Variants in KDM2B observed in about 807,000 individuals in gnomAD.
The protein encoded by KDM2B is lysine demethylase 2B.
In KDM2B, 26 loss-of-function variants were observed where a neutral mutation model predicts 150.0. The observed-to-expected ratio is 0.17, with a 90% confidence interval of 0.13 to 0.24. The LOEUF (loss-of-function observed/expected upper bound fraction) is 0.24. KDM2B is among the 10% of genes least tolerant of loss of function. KDM2B has a pLI of 1.00. For missense variants in KDM2B, 1,265 were observed against 1,816.9 expected, an observed-to-expected ratio of 0.70 and a Z score of 5.52; for synonymous variants, 734 against 729.5, an observed-to-expected ratio of 1.01 and a Z score of -0.10.
intron 22 of KDM2B, among the ~76,000 whole-genome samples, chr12:121,438,901 C>CA (rs1422663874): frequency 3.9e-5 from 6 of 152,054 alleles, no homozygotes; most frequent in Middle Eastern, 3.4e-3. Context: ...CAACACCCCC[C>CA]AATCCAGACC....
chr12:121,473,198 C>T (rs896241392), intron 12 of KDM2B, among the ~76,000 whole-genome samples: 1 of 151,890 alleles, frequency 6.6e-6, no homozygotes, highest in Non-Finnish European at 1.5e-5. Flanking sequence ...CGAGACCAGC[C>T]TGGTTGACAT....
intron 11 of KDM2B, among the ~76,000 whole-genome samples, chr12:121,505,608 G>C (rs12317418): frequency 1.3e-5 from 2 of 152,130 alleles, no homozygotes; most frequent in African/African-American, 4.8e-5. Context: ...CCAAAACCTA[G>C]CCATCTAGGG....
chr12:121,455,242 C>T lies in KDM2B; in HGVS notation c.1735-1898G>A, dbSNP rs111442948. On this transcript the variant is annotated intron_variant, in intron 12 of 22. Transcript: ENST00000377071. Reference sequence around the variant, plus strand: ...GAAAGGGAGGTGCTCCCCGGCTCTACCACCCTCATCTCCCACTGGTCTTCC... The same window carrying T: ...GAAAGGGAGGTGCTCCCCGGCTCTATCACCCTCATCTCCCACTGGTCTTCC... Among the ~76,000 whole-genome samples, 697 of 152,294 alleles carry T rather than the reference C, an allele frequency of 4.6e-3. 4 individuals carry two copies. Among genetic ancestry groups the T allele is most frequent in the African/African-American group, 0.015 (623 of 41,548 alleles).
At chr12:121,573,015 G>A (rs1009336532) in intron 4 of KDM2B, among the ~76,000 whole-genome samples, 7 of 151,514 alleles carry the variant, frequency 4.6e-5, no homozygotes, top group Non-Finnish European at 8.8e-5. Flanking sequence ...CAGTAGAGAC[G>A]GGGTTTCACC....
At chr12:121,440,418 A>T in intron 21 of KDM2B, 1 of 405,412 alleles carries the variant, frequency 2.5e-6, no homozygotes, top group Non-Finnish European at 4.6e-6. Flanking sequence ...GTCCAGGGGG[A>T]GGTGCCATCC....
At chr12:121,558,856 G>A (rs1468055440) in intron 4 of KDM2B, among the ~76,000 whole-genome samples, 1 of 152,190 alleles carries the variant, frequency 6.6e-6, no homozygotes, top group Non-Finnish European at 1.5e-5. Flanking sequence ...CTCTGAAAGT[G>A]CTGGGATTAC....
chr12:121,490,909 G>A (rs565893508), intron 12 of KDM2B, among the ~76,000 whole-genome samples: 11 of 152,152 alleles, frequency 7.2e-5, no homozygotes, highest in Admixed American at 2.6e-4. Context: ...TAGGTAACCC[G>A]ACCCAGATCA....
At chr12:121,491,622 G>A (rs781962860) in intron 12 of KDM2B, among the ~76,000 whole-genome samples, 9 of 151,656 alleles carry the variant, frequency 5.9e-5, no homozygotes, top group Non-Finnish European at 2.9e-5. Flanking sequence ...GTGAAACCCC[G>A]TCTCTACTAA....
the KDM2B span, chr12:121,416,295 C>T: frequency 1.9e-6 from 3 of 1,614,002 alleles, no homozygotes; most frequent in East Asian, 2.2e-5. Context: ...CCTGAGTTTT[C>T]CACCTACCCA....
chr12:121,539,547 G>A (rs1227920416), intron 6 of KDM2B, among the ~76,000 whole-genome samples: 1 of 152,124 alleles, frequency 6.6e-6, no homozygotes, highest in Admixed American at 6.6e-5. Flanking sequence ...ACTGGGCTCT[G>A]TGACATTGGA....
Position 121,442,942 on chromosome 12 carries a change from C to T in KDM2B, c.2604+50G>A. On this transcript the variant is annotated intron_variant, in intron 18 of 22. Coordinates refer to ENST00000377071, the MANE Select transcript of KDM2B (RefSeq NM_032590.5). The surrounding 1 kb of genome is among the most constrained non-coding windows in gnomAD (Gnocchi z 7.7). ...GACTGTGGCCCAGGGAGCTGCGGTGCAGCTCTAACCGCTCAGGCCTGGGGC... is the reference window on the plus strand; with the variant it reads ...GACTGTGGCCCAGGGAGCTGCGGTGTAGCTCTAACCGCTCAGGCCTGGGGC... 1 of 1,606,746 alleles carries T rather than the reference C, an allele frequency of 6.2e-7. No individual in the cohort carries two copies. Among genetic ancestry groups the T allele is most frequent in the Non-Finnish European group, 8.5e-7 (1 of 1,176,146 alleles).
chr12:121,430,173 T>C lies in KDM2B; in HGVS notation c.*115A>G. 1 of 1,614,148 alleles carries C rather than the reference T, an allele frequency of 6.2e-7. No homozygotes were observed. The highest frequency in any genetic ancestry group is 8.5e-7 in the Non-Finnish European group (1 of 1,180,016). On this transcript the variant is annotated 3_prime_UTR_variant, in exon 23 of 23. Coordinates refer to ENST00000377071, the MANE Select transcript of KDM2B (RefSeq NM_032590.5). The surrounding 1 kb of genome is among the most constrained non-coding windows in gnomAD (Gnocchi z 4.4). ...TTCTCCCTTGGAAAGACTTGCAAAA[T>C]GGAATTGCGTTGTGGTCTGTTGTCC...
Position 121,513,319 on chromosome 12 carries a change from G to T in KDM2B, c.1131C>A (p.Arg377=). ...TCTGGTATTCCTGAGTGAGGTGGGA[G>T]CGCTGGGTCACACAGTACACGTATC... ...LERYVYCVTQ[R]SHLTQEYQRE... Residue 377 remains arginine, a synonymous_variant, in exon 10 of 23, where the codon CGC becomes CGA. Transcript: ENST00000377071. The surrounding 1 kb of genome is among the most constrained non-coding windows in gnomAD (Gnocchi z 5.0). 6.2e-7 allele frequency: 1 copy of T among 1,613,626 alleles called. No individual in the cohort carries two copies. Among genetic ancestry groups the T allele is most frequent in the Non-Finnish European group, 8.5e-7 (1 of 1,179,856 alleles).
At chr12:121,478,505 T>G (rs7972181) in intron 12 of KDM2B, among the ~76,000 whole-genome samples, 98,349 of 150,078 alleles carry the variant, frequency 0.66, 33,957 homozygotes, top group African/African-American at 0.89. Flanking sequence ...GACTACAGGC[T>G]CCCGCCACTA....
Position 121,579,820 on chromosome 12 carries a change from C to G in KDM2B, c.127-874G>C, listed in dbSNP as rs28544341. 3.9e-3 allele frequency among the ~76,000 whole-genome samples: 597 copies of G among 151,342 alleles called. 12 individuals carry two copies. The highest frequency in any genetic ancestry group is 3.8e-3 in the Non-Finnish European group (260 of 67,872). On this transcript the variant is annotated intron_variant, in intron 1 of 22. Coordinates refer to ENST00000377071, the MANE Select transcript of KDM2B (RefSeq NM_032590.5). ...CCTCCCCACTTAAGTGTCTGAGACT[C>G]TAAGCCTCACAAGGGGCTGGAGGAG...
At chr12:121,517,031 A>C (rs1555305138) in intron 9 of KDM2B, among the ~76,000 whole-genome samples, 1 of 152,088 alleles carries the variant, frequency 6.6e-6, no homozygotes, top group East Asian at 1.9e-4. Flanking sequence ...CACTAGAGCC[A>C]CTGGGAGGGG....
chr12:121,442,851 G>C lies in KDM2B; in HGVS notation c.2605-15C>G, dbSNP rs782787918. ...CAGGACCGCCGCTGAGGGCGAGAGC[G>C]GAGACGCGTCAGCCTCTGGGGCTCA... On this transcript the variant is annotated splice_polypyrimidine_tract_variant and intron_variant, in intron 18 of 22. Coordinates refer to ENST00000377071, the MANE Select transcript of KDM2B (RefSeq NM_032590.5). This position sits in a 1 kb window ranked among gnomAD's most constrained non-coding sequence, Gnocchi z 7.7. 4 of 1,517,140 alleles carry C rather than the reference G, an allele frequency of 2.6e-6. No individual in the cohort carries two copies. The Admixed American group carries it at 7.0e-5, about 27-fold the overall frequency. The allele number at this position is 1,517,140 out of a possible 1,614,324, so 94.0% of individuals were successfully genotyped here. A position where few individuals can be genotyped will look rare whatever the true frequency, so the allele number is the denominator to read the frequency against.
chr12:121,413,429 T>TTTTTTTTTTTTA, the KDM2B span, among the ~76,000 whole-genome samples: 15 of 148,784 alleles, frequency 1.0e-4, no homozygotes, highest in South Asian at 6.4e-4. Flanking sequence ...TTTTTTTTTT[T>TTTTTTTTTTTTA]GAGACGGAGT....
At chr12:121,420,851 C>T in the KDM2B span, 3 of 1,089,242 alleles carry the variant, frequency 2.8e-6, no homozygotes, top group Non-Finnish European at 4.2e-6. Flanking sequence ...GTTTTTGTCA[C>T]AATTAAGTCA....
Sources: allele counts gnomAD v4.1 joint callset (sites outside exome capture counted in the v4.1 genomes callset), GRCh38; gene constraint gnomAD v4.1.1; non-coding constraint Gnocchi (gnomAD v3.1); transcripts MANE v1.5; gene names NCBI Gene and HGNC (gene_info 2026-07-23, HGNC 2026-07-21).